KLHL1: variants seen among roughly 807,000 people sequenced by gnomAD.
KLHL1 encodes kelch-like protein 1.
A neutral mutation model predicts 77.7 loss-of-function variants in KLHL1; 47 were observed. The observed-to-expected ratio is 0.60, with a 90% CI of 0.48 to 0.77. KLHL1 has a LOEUF of 0.77. KLHL1 is among the 30% of genes least tolerant of loss of function. The probability of loss-of-function intolerance (pLI) is 0.00; values close to 1 mark genes in which losing one functional copy is unlikely to be tolerated. For missense variants in KLHL1, 925 were observed against 910.8 expected, an observed-to-expected ratio of 1.02 and a Z score of -0.20; for synonymous variants, 360 against 325.2, an observed-to-expected ratio of 1.11 and a Z score of -1.15.
intron 4 of KLHL1, among the ~76,000 whole-genome samples, chr13:69,934,966 A>G (rs61964161): frequency 5.1e-4 from 25 of 49,368 alleles, no homozygotes; most frequent in South Asian, 2.1e-3. Context: ...GCATGTGTAT[A>G]TATATATATA....
At chr13:69,802,513 T>C (rs1225185772) in intron 6 of KLHL1, among the ~76,000 whole-genome samples, 1 of 152,008 alleles carries the variant, frequency 6.6e-6, no homozygotes, top group Non-Finnish European at 1.5e-5. Context: ...AGAAATGCAA[T>C]CCACAAGCAG....
intron 4 of KLHL1, among the ~76,000 whole-genome samples, chr13:69,899,340 G>T (rs1485551764): frequency 1.3e-5 from 2 of 152,122 alleles, no homozygotes; most frequent in Non-Finnish European, 2.9e-5. Flanking sequence ...GGATAAGAAT[G>T]CTGGGAAAAG....
intron 6 of KLHL1, among the ~76,000 whole-genome samples, chr13:69,805,819 T>C (rs1483320502): frequency 6.6e-6 from 1 of 151,328 alleles, no homozygotes; most frequent in Non-Finnish European, 1.5e-5. Context: ...TTATATAACA[T>C]TTAATATATT....
At chr13:69,948,362 G>T (rs982805349) in intron 3 of KLHL1, among the ~76,000 whole-genome samples, 1 of 152,022 alleles carries the variant, frequency 6.6e-6, no homozygotes, top group Non-Finnish European at 1.5e-5. Context: ...TCTCCATGCT[G>T]CCTTGGCAAA....
intron 3 of KLHL1, among the ~76,000 whole-genome samples, chr13:69,947,767 G>A (rs1173144658): frequency 6.6e-6 from 1 of 152,032 alleles, no homozygotes; most frequent in Non-Finnish European, 1.5e-5. Flanking sequence ...AAGCTTCAAT[G>A]CACACAAATT....
chr13:69,997,924 C>A (rs866989972), intron 1 of KLHL1, among the ~76,000 whole-genome samples: 1 of 151,568 alleles, frequency 6.6e-6, no homozygotes, highest in African/African-American at 2.4e-5. Flanking sequence ...TAGGAGTGCA[C>A]GTGTCTCTTC....
chr13:69,947,564 G>GA (rs547965579), intron 3 of KLHL1, among the ~76,000 whole-genome samples: 1,592 of 147,804 alleles, frequency 0.011, 26 homozygotes, highest in African/African-American at 0.036. Flanking sequence ...CCCCAAAAAA[G>GA]AAAAAAAAAG....
chr13:69,870,110 T>A (rs1448454071), intron 5 of KLHL1, among the ~76,000 whole-genome samples: 2 of 152,144 alleles, frequency 1.3e-5, no homozygotes, highest in Non-Finnish European at 2.9e-5. Context: ...ACTGTGTAAT[T>A]TATAAATAAA....
At chr13:69,930,046 G>T (rs944097417) in intron 4 of KLHL1, among the ~76,000 whole-genome samples, 55 of 151,758 alleles carry the variant, frequency 3.6e-4, no homozygotes, top group African/African-American at 1.3e-3. Context: ...ATTTATTTTA[G>T]GTTGGAAATA....
intron 4 of KLHL1, among the ~76,000 whole-genome samples, chr13:69,895,264 C>T (rs905409507): frequency 6.6e-6 from 1 of 152,016 alleles, no homozygotes; most frequent in African/African-American, 2.4e-5. Flanking sequence ...CTTATTTTTC[C>T]CCACTCTAGT....
chr13:70,024,344 A>G (rs1202837947), intron 1 of KLHL1, among the ~76,000 whole-genome samples: 1 of 151,908 alleles, frequency 6.6e-6, no homozygotes, highest in Non-Finnish European at 1.5e-5. Flanking sequence ...TCTGAATTGT[A>G]AGACCTAGAT....
chr13:70,076,166 A>C (rs531714090), intron 1 of KLHL1, among the ~76,000 whole-genome samples: 77 of 152,098 alleles, frequency 5.1e-4, no homozygotes, highest in Non-Finnish European at 8.4e-4. Flanking sequence ...CAAAATACAC[A>C]GAAGATTCAA....
intron 4 of KLHL1, among the ~76,000 whole-genome samples, chr13:69,928,780 G>A (rs1343118852): frequency 3.3e-5 from 5 of 152,036 alleles, no homozygotes; most frequent in East Asian, 3.9e-4. Flanking sequence ...AATGGAGAGC[G>A]AATAGGTAGA....
chr13:69,726,898 C>A (rs190801847), intron 8 of KLHL1, among the ~76,000 whole-genome samples: 1 of 152,030 alleles, frequency 6.6e-6, no homozygotes, highest in East Asian at 1.9e-4. Context: ...ATGACCAGTA[C>A]ATGTTTGTGA....
chr13:69,964,565 C>T (rs1381302405), intron 2 of KLHL1, among the ~76,000 whole-genome samples: 1 of 152,074 alleles, frequency 6.6e-6, no homozygotes, highest in Non-Finnish European at 1.5e-5. Context: ...CAAATAATTA[C>T]TCATATTTTC....
chr13:69,969,274 T>C (rs1176590764), intron 2 of KLHL1, among the ~76,000 whole-genome samples: 1 of 152,102 alleles, frequency 6.6e-6, no homozygotes, highest in African/African-American at 2.4e-5. Context: ...GATGGTAACA[T>C]GTTAGACATA....
At chr13:69,861,521 T>C (rs920211191) in intron 5 of KLHL1, among the ~76,000 whole-genome samples, 1 of 152,036 alleles carries the variant, frequency 6.6e-6, no homozygotes, top group Admixed American at 6.6e-5. Context: ...TCCTACTACA[T>C]ATATATCCAA....
chr13:70,032,577 G>A (rs1285037670), intron 1 of KLHL1, among the ~76,000 whole-genome samples: 6 of 152,062 alleles, frequency 3.9e-5, no homozygotes, highest in South Asian at 2.1e-4. Flanking sequence ...TCTTACTTAC[G>A]ATGTTAGTTA....
At chr13:69,856,335 T>TC (rs1362802097) in intron 5 of KLHL1, among the ~76,000 whole-genome samples, 2 of 152,090 alleles carry the variant, frequency 1.3e-5, no homozygotes, top group Non-Finnish European at 2.9e-5. Flanking sequence ...CACTTGGTCC[T>TC]CTTCATGTCA....
Sources: allele counts gnomAD v4.1 joint callset (sites outside exome capture counted in the v4.1 genomes callset), GRCh38; gene constraint gnomAD v4.1.1; transcripts MANE v1.5; gene names NCBI Gene and HGNC (gene_info 2026-07-23, HGNC 2026-07-21).